Variants in IGSF11 observed in about 807,000 individuals in gnomAD.
IGSF11 encodes CXADR like 1.
In IGSF11, 22 loss-of-function variants were observed where a neutral mutation model predicts 41.0. The observed-to-expected ratio is 0.54, with a 90% CI of 0.38 to 0.77. The LOEUF (loss-of-function observed/expected upper bound fraction) is 0.77, where lower values mean the gene tolerates loss of function less well. Ranked by LOEUF, IGSF11 falls within the 30% of genes least tolerant of loss-of-function variation. IGSF11 has a pLI of 0.00. For missense variants in IGSF11, 444 were observed against 530.8 expected, an observed-to-expected ratio of 0.84 and a Z score of 1.61; for synonymous variants, 219 against 201.3, an observed-to-expected ratio of 1.09 and a Z score of -0.74.
At chr3:119,106,645 G>C (rs2077031769), upstream of IGSF11, among the ~76,000 whole-genome samples, 1 of 152,044 alleles carries the variant, frequency 6.6e-6, no homozygotes, top group African/African-American at 2.4e-5. Context: ...GTGCGGGTTA[G>C]TTACATATGT....
chr3:119,033,334 G>A (rs1342687363), intron 1 of IGSF11, among the ~76,000 whole-genome samples: 3 of 152,080 alleles, frequency 2.0e-5, no homozygotes, highest in African/African-American at 7.2e-5. Context: ...GAGAAAAACT[G>A]GCCATCTCAA....
intron 1 of IGSF11, among the ~76,000 whole-genome samples, chr3:119,041,676 C>CA (rs1010221661): frequency 5.3e-5 from 8 of 151,950 alleles, no homozygotes; most frequent in African/African-American, 1.9e-4. Context: ...AATTTTCTGC[C>CA]AAAAAATCTG....
intron 1 of IGSF11, among the ~76,000 whole-genome samples, chr3:118,989,921 C>T (rs1935628366): frequency 6.6e-6 from 1 of 152,064 alleles, no homozygotes; most frequent in African/African-American, 2.4e-5. Flanking sequence ...AACTTTTTAG[C>T]AGCAAAGGAT....
chr3:118,948,926 C>T (rs1462397937), intron 1 of IGSF11, among the ~76,000 whole-genome samples: 1 of 149,508 alleles, frequency 6.7e-6, no homozygotes, highest in Non-Finnish European at 1.5e-5. Context: ...GAGCCGAGAT[C>T]GCGCCACTGC....
At chr3:118,938,039 A>T (rs1010536150) in intron 1 of IGSF11, among the ~76,000 whole-genome samples, 4 of 143,040 alleles carry the variant, frequency 2.8e-5, no homozygotes, top group South Asian at 4.2e-4. Context: ...TATATATATA[A>T]AATGTGTGTG....
At chr3:118,992,052 A>G (rs528823020) in intron 1 of IGSF11, among the ~76,000 whole-genome samples, 3 of 152,356 alleles carry the variant, frequency 2.0e-5, no homozygotes, top group African/African-American at 7.2e-5. Flanking sequence ...TATTTGCTCG[A>G]ATCAACCATA....
intron 1 of IGSF11, among the ~76,000 whole-genome samples, chr3:119,054,707 T>C (rs1941753505): frequency 6.6e-6 from 1 of 152,122 alleles, no homozygotes; most frequent in South Asian, 2.1e-4. Context: ...AAGAAGTAAT[T>C]ATATGAAAAA....
intron 1 of IGSF11, among the ~76,000 whole-genome samples, chr3:118,942,145 A>T (rs1395437778): frequency 6.6e-6 from 1 of 151,940 alleles, no homozygotes; most frequent in Non-Finnish European, 1.5e-5. Context: ...GTTATACTTT[A>T]AAAAAATGTT....
At chr3:118,968,107 T>C (rs974627082) in intron 1 of IGSF11, among the ~76,000 whole-genome samples, 1 of 152,222 alleles carries the variant, frequency 6.6e-6, no homozygotes, top group African/African-American at 2.4e-5. Context: ...AAACATCAGA[T>C]GCATTATATA....
chr3:119,083,322 T>C (rs2076615227), intron 1 of IGSF11, among the ~76,000 whole-genome samples: 1 of 151,970 alleles, frequency 6.6e-6, no homozygotes, highest in Admixed American at 6.6e-5. Flanking sequence ...GGTTTTGCCA[T>C]GTTACCCAGG....
intron 1 of IGSF11, among the ~76,000 whole-genome samples, chr3:118,995,593 G>C (rs1041561848): frequency 1.3e-5 from 2 of 152,166 alleles, no homozygotes; most frequent in African/African-American, 4.8e-5. Context: ...ACTAGATGTA[G>C]CATAAGAATG....
intron 1 of IGSF11, among the ~76,000 whole-genome samples, chr3:119,074,073 T>C (rs1190026787): frequency 6.6e-6 from 1 of 152,094 alleles, no homozygotes; most frequent in Non-Finnish European, 1.5e-5. Flanking sequence ...TAGTGGGAGA[T>C]TTCAACACCA....
rs1940789568 is a variant in IGSF11 at position 119,034,809 on chromosome 3, G to C, written c.-227C>G. 1 of 1,258,520 alleles carries C rather than the reference G, an allele frequency of 7.9e-7. No homozygotes were observed. The allele number at this position is 1,258,520 out of a possible 1,614,324, so 78.0% of individuals were successfully genotyped here. A position where few individuals can be genotyped will look rare whatever the true frequency, so the allele number is the denominator to read the frequency against. On this transcript the variant is annotated 5_prime_UTR_variant, in exon 1 of 7. Coordinates refer to ENST00000393775, the MANE Select transcript of IGSF11 (RefSeq NM_001015887.3). ...CTGAGCTGTGACCAGAGGCGTTCCG[G>C]GCTCGCCAGCCGTGCCACCCAGCCC...
chr3:119,100,786 T>C (rs941617869), intron 1 of IGSF11, among the ~76,000 whole-genome samples: 4 of 152,174 alleles, frequency 2.6e-5, no homozygotes, highest in Non-Finnish European at 5.9e-5. Context: ...GGATAAGTGA[T>C]ATAAGTTACA....
At chr3:118,906,969 T>C (rs1939681032) in intron 4 of IGSF11, among the ~76,000 whole-genome samples, 1 of 152,246 alleles carries the variant, frequency 6.6e-6, no homozygotes, top group Non-Finnish European at 1.5e-5. Context: ...CTCTAAGCTC[T>C]AGGCTTCACT....
chr3:118,966,175 T>C (rs1945663045), intron 1 of IGSF11, among the ~76,000 whole-genome samples: 1 of 152,142 alleles, frequency 6.6e-6, no homozygotes, highest in African/African-American at 2.4e-5. Context: ...AATATACGTA[T>C]GATCAACAAT....
At chr3:118,905,795 A>T (rs952116820) in intron 4 of IGSF11, 77 bp from the exon 5 acceptor site, 6 of 1,516,780 alleles carry the variant, frequency 4.0e-6, no homozygotes, top group Non-Finnish European at 4.5e-6. Flanking sequence ...GAAGACCATA[A>T]AAACAGACGA....
intron 1 of IGSF11, among the ~76,000 whole-genome samples, chr3:119,110,657 C>T (rs1479751467): frequency 1.3e-5 from 2 of 152,154 alleles, no homozygotes; most frequent in Non-Finnish European, 2.9e-5. Flanking sequence ...TTATTTTGCT[C>T]ATTAGTTGAT....
chr3:119,024,137 A>G (rs1939591648), intron 1 of IGSF11, among the ~76,000 whole-genome samples: 1 of 152,228 alleles, frequency 6.6e-6, no homozygotes. Flanking sequence ...GGAGGATAAG[A>G]GCACAATTAA....
Sources: allele counts gnomAD v4.1 joint callset (sites outside exome capture counted in the v4.1 genomes callset), GRCh38; gene constraint gnomAD v4.1.1; transcripts MANE v1.5; gene names NCBI Gene and HGNC (gene_info 2026-07-23, HGNC 2026-07-21).